Variants in GDA observed in about 807,000 individuals in gnomAD.
The protein encoded by GDA is guanine deaminase, also known as cytoplasmic PSD-95 interactor.
A neutral mutation model predicts 59.6 loss-of-function variants in GDA; 18 were observed. The observed-to-expected ratio is 0.30, with a 90% CI of 0.21 to 0.45. The LOEUF (loss-of-function observed/expected upper bound fraction) is 0.45. GDA is among the 20% of genes least tolerant of loss of function. GDA has a pLI of 1.00. For synonymous variants in GDA, 201 were observed against 201.1 expected (o/e 1.00, Z 0.00); for missense variants, 427 against 552.3 (o/e 0.77, Z 2.27).
At chr9:72,210,838 C>A in intron 4 of GDA, 64 bp downstream of exon 4, 1 of 996,896 alleles carries the variant, frequency 1.0e-6, no homozygotes, top group Non-Finnish European at 1.6e-6. Context: ...TCGTGGCAAA[C>A]AACTTATATG....
In GDA at chr9:72,149,589, G is replaced by T. The variant is rs376503626; in HGVS notation, c.30G>T (p.Ala10=). The part of the protein sequence containing the change: MCAAQMPPL[A]HIFRGTFVHS... ...GTGCCGCTCAGATGCCGCCCCTGGC[G>T]CACATCTTCCGAGGGACGTTCGTCC... The change falls in exon 1 of 14, where the codon GCG becomes GCT. Residue 10 remains alanine (A), a synonymous_variant. Transcript: ENST00000358399. 5.7e-5 allele frequency: 92 copies of T among 1,611,282 alleles called. No homozygotes were observed. The highest frequency in any genetic ancestry group is 7.4e-5 in the Non-Finnish European group (87 of 1,179,066).
intron 1 of GDA, among the ~76,000 whole-genome samples, chr9:72,187,391 C>T (rs910560875): frequency 2.6e-5 from 4 of 152,194 alleles, no homozygotes; most frequent in Admixed American, 1.3e-4. Context: ...GTGCTTCCCT[C>T]TTTCACATGC....
rs145939517 is a variant in GDA at position 72,122,182 on chromosome 9, A to T, written c.-100+7349A>T. ...CTCTATCCTGACTTTCAGACATGAG[A>T]ATCTTCTGCCTAATTGACATCTGAT... On this transcript the variant is annotated intron_variant, in intron 1 of 13. Coordinates refer to the GDA transcript ENST00000545168. Among the ~76,000 whole-genome samples the T allele has an allele frequency of 1.2e-4, 18 of 152,270 alleles. No homozygotes were observed. In the East Asian group the frequency reaches 3.5e-3, roughly 29 times the overall value.
intron 8 of GDA, 122 bp downstream of exon 8, chr9:72,225,906 GTTTTA>G: frequency 1.9e-6 from 1 of 539,298 alleles, no homozygotes; most frequent in South Asian, 3.0e-5. Flanking sequence ...TTTTTTTAAA[GTTTTA>G]ATTTTTGTGG....
downstream of GDA, among the ~76,000 whole-genome samples, chr9:72,253,854 G>T (rs369985406): frequency 6.6e-6 from 1 of 152,010 alleles, no homozygotes; most frequent in Admixed American, 6.6e-5. Flanking sequence ...AAAAGATTTG[G>T]ATATAAGAGT....
intron 10 of GDA, among the ~76,000 whole-genome samples, 191 bp downstream of exon 10, chr9:72,231,372 C>A (rs144298639): frequency 0.012 from 1,767 of 151,770 alleles, 42 homozygotes; most frequent in African/African-American, 0.041. Context: ...GTCAGGAGTT[C>A]AAGACCAGCC....
intron 2 of GDA, among the ~76,000 whole-genome samples, chr9:72,198,947 A>G (rs1833592754): frequency 6.6e-6 from 1 of 151,174 alleles, no homozygotes; most frequent in East Asian, 1.9e-4. Flanking sequence ...CTCTGAGGAA[A>G]TTATGATGCT....
chr9:72,206,158 C>T (rs539356997), intron 3 of GDA, among the ~76,000 whole-genome samples: 25 of 152,154 alleles, frequency 1.6e-4, no homozygotes, highest in East Asian at 7.7e-4. Context: ...GATTATTCTG[C>T]GATTTTTTAA....
Position 72,184,596 on chromosome 9 carries a change from ATTC to A in GDA, c.124-10899_124-10897del, listed in dbSNP as rs143293690. On this transcript the variant is annotated intron_variant, in intron 1 of 13. Coordinates refer to ENST00000358399, the MANE Select transcript of GDA (RefSeq NM_004293.5). ...TGGATGTACCGCAGTTTATTTATCCATTCTTCTACTGAAGGACATCTTGGTTGC... is the reference window on the plus strand; with the variant it reads ...TGGATGTACCGCAGTTTATTTATCCATTCTACTGAAGGACATCTTGGTTGC... Among the ~76,000 whole-genome samples, 578 of 152,248 alleles carry A rather than the reference ATTC, an allele frequency of 3.8e-3. 3 individuals are homozygous for A. Among genetic ancestry groups the A allele is most frequent in the African/African-American group, 0.013 (549 of 41,542 alleles).
In GDA at chr9:72,199,276, T is replaced by C. The variant is rs373575249; in HGVS notation, c.213-3295T>C. ...CATGCTTCTGTGTGTACCAATATTA[T>C]CTGTAATTAATCCTGGACTGTAACC... On this transcript the variant is annotated intron_variant, in intron 2 of 13. Coordinates refer to ENST00000358399, the MANE Select transcript of GDA (RefSeq NM_004293.5). 1.1e-4 allele frequency among the ~76,000 whole-genome samples: 16 copies of C among 152,322 alleles called. 1 individual carries two copies. The East Asian group carries it at 2.7e-3, about 26-fold the overall frequency.
At chr9:72,233,402 C>T (rs1465659555) in intron 10 of GDA, among the ~76,000 whole-genome samples, 2 of 152,044 alleles carry the variant, frequency 1.3e-5, no homozygotes, top group Non-Finnish European at 2.9e-5. Flanking sequence ...CCCTGGAGTA[C>T]AGGAAATCAT....
Position 72,238,678 on chromosome 9 carries a change from A to G in GDA, c.989-2474A>G, listed in dbSNP as rs143235407. Reference sequence around the variant, plus strand: ...ATTTTGTTAGAGTCTTCTTGTAAATAATAGTGTCCAAATGTTGGCTCTGAC... The same window carrying G: ...ATTTTGTTAGAGTCTTCTTGTAAATGATAGTGTCCAAATGTTGGCTCTGAC... On this transcript the variant is annotated intron_variant, in intron 10 of 13. Coordinates refer to ENST00000358399, the MANE Select transcript of GDA (RefSeq NM_004293.5). Among the ~76,000 whole-genome samples the G allele has an allele frequency of 0.01, 1,535 of 152,312 alleles. 12 individuals carry two copies. In the Middle Eastern group the frequency reaches 0.1, roughly 10 times the overall value.
intron 1 of GDA, among the ~76,000 whole-genome samples, chr9:72,116,396 T>TTG (rs1380102951): frequency 6.7e-6 from 1 of 150,000 alleles, no homozygotes; most frequent in Admixed American, 6.6e-5. Context: ...CTTTTTTTTT[T>TTG]TTTTTTGAGA....
rs2130977900 is a variant in GDA, at chr9:72,173,303, C to T, written c.124-22197C>T. On this transcript the variant is annotated intron_variant, in intron 1 of 13. Transcript: ENST00000358399. ...CTTGCGTAAGTGATCACATTGCCTT[C>T]TTCTGGTGAAATACTGCTCTGACTT... is the stretch of plus-strand genomic sequence containing the variant. 2.0e-5 allele frequency among the ~76,000 whole-genome samples: 3 copies of T among 151,582 alleles called. No homozygotes were observed. The South Asian group carries it at 6.3e-4, about 32-fold the overall frequency.
At chr9:72,176,618 C>T (rs1830566774) in intron 1 of GDA, among the ~76,000 whole-genome samples, 1 of 152,194 alleles carries the variant, frequency 6.6e-6, no homozygotes, top group Non-Finnish European at 1.5e-5. Flanking sequence ...GAGTTCACTA[C>T]ACTGTGAGTC....
At chr9:72,200,935 T>G (rs1166712319) in intron 2 of GDA, among the ~76,000 whole-genome samples, 2 of 152,338 alleles carry the variant, frequency 1.3e-5, no homozygotes, top group African/African-American at 4.8e-5. Flanking sequence ...CAAAGCTGAC[T>G]AGTTAACAGT....
At chr9:72,254,758 T>A (rs943858667), downstream of GDA, among the ~76,000 whole-genome samples, 1 of 152,202 alleles carries the variant, frequency 6.6e-6, no homozygotes, top group Non-Finnish European at 1.5e-5. Flanking sequence ...ATAAAACCCA[T>A]AAGTGGATAA....
intron 10 of GDA, among the ~76,000 whole-genome samples, chr9:72,233,596 T>C (rs1490940872): frequency 6.6e-6 from 1 of 152,190 alleles, no homozygotes; most frequent in African/African-American, 2.4e-5. Context: ...GACCCAGCAA[T>C]TTTACTCTTG....
At chr9:72,156,994 T>A (rs921750490) in intron 1 of GDA, among the ~76,000 whole-genome samples, 4 of 148,556 alleles carry the variant, frequency 2.7e-5, no homozygotes, top group Admixed American at 6.7e-5. Flanking sequence ...GAACTACCCC[T>A]ACCTGGAACT....
Sources: allele counts gnomAD v4.1 joint callset (sites outside exome capture counted in the v4.1 genomes callset), GRCh38; gene constraint gnomAD v4.1.1; transcripts MANE v1.5; gene names NCBI Gene and HGNC (gene_info 2026-07-23, HGNC 2026-07-21).